Variants in KRAS observed in about 807,000 individuals in gnomAD.
KRAS encodes the protein KRas proto-oncogene, GTPase, also known as GTPase KRas.
A neutral mutation model predicts 21.0 loss-of-function variants in KRAS; 1 was observed. The observed-to-expected ratio is 0.05, with a 90% CI of 0.02 to 0.23. The LOEUF is 0.23. Ranked by LOEUF, KRAS falls within the 10% of genes least tolerant of loss-of-function variation. The pLI is 1.00. For synonymous variants in KRAS, 67 were observed against 72.5 expected (o/e 0.92, Z 0.39); for missense variants, 107 against 221.8 (o/e 0.48, Z 3.29).
intron 4 of KRAS, chr12:25,215,091 T>TAAA (rs775121370): frequency 1.6e-3 from 137 of 87,576 alleles, no homozygotes; most frequent in Non-Finnish European, 1.7e-3. Context: ...TTCTCCCTAC[T>TAAA]AAAAAAAAAA....
rs1035394258 is a variant in KRAS, at chr12:25,207,124, T to C, written c.*2671A>G. ...TCGTATACCAAAGGCCTTAGTAAGA[T>C]ATTACAGACCACACTAGCACTACCT... On this transcript the variant is annotated 3_prime_UTR_variant, in exon 5 of 5. Coordinates refer to ENST00000311936, the MANE Select transcript of KRAS (RefSeq NM_004985.5). 9.4e-6 allele frequency: 2 copies of C among 212,630 alleles called. No homozygotes were observed. Among genetic ancestry groups the C allele is most frequent in the African/African-American group, 4.5e-5 (2 of 44,220 alleles). 13.2% of individuals were successfully genotyped at this position (212,630 alleles called of 1,614,324 possible).
In KRAS at chr12:25,244,528, ATGGAAGTT is replaced by A. The variant is rs1951651640; in HGVS notation, c.111+738_111+745del. On this transcript the variant is annotated intron_variant, in intron 2 of 4. Coordinates refer to ENST00000311936, the MANE Select transcript of KRAS (RefSeq NM_004985.5). The stretch of plus-strand genomic sequence containing the variant: ...TTAAATAAATCCTCATCTGCTTGGG[ATGGAAGTT>A]CTACTCCATGACCTTCAAGGTGTCT... 2.0e-4 allele frequency among the ~76,000 whole-genome samples: 30 copies of A among 152,176 alleles called. 1 individual carries two copies.
chr12:25,227,540 C>A, intron 2 of KRAS, 128 bp from the exon 3 acceptor site: 1 of 782,284 alleles, frequency 1.3e-6, no homozygotes, highest in Non-Finnish European at 2.1e-6. Flanking sequence ...GACATTGTTC[C>A]TGCTCCAAAG....
chr12:25,232,926 C>A (rs1257332976), intron 2 of KRAS, among the ~76,000 whole-genome samples: 1 of 152,048 alleles, frequency 6.6e-6, no homozygotes, highest in African/African-American at 2.4e-5. Context: ...TAGCCTTTGA[C>A]ATAGTAATGT....
rs1951246993 is a variant in KRAS at position 25,215,624 on chromosome 12, G to A, written c.451-5713C>T. On this transcript the variant is annotated intron_variant, in intron 4 of 4. Transcript: ENST00000311936. ...TTGGTAAGAGTAATTTACTGGGAAA[G>A]CCATGTGCAAGAAGTTTGAGATTAT... The A allele has an allele frequency of 5.1e-6, 7 of 1,360,654 alleles. No individual in the cohort carries two copies. The Admixed American group carries it at 8.4e-5, about 16-fold the overall frequency. 84.3% of individuals were successfully genotyped at this position (1,360,654 alleles called of 1,614,324 possible). A position where few individuals can be genotyped will look rare whatever the true frequency, so the allele number is the denominator to read the frequency against.
intron 2 of KRAS, among the ~76,000 whole-genome samples, chr12:25,244,129 G>A (rs61761075): frequency 0.042 from 6,455 of 152,124 alleles, 217 homozygotes; most frequent in Non-Finnish European, 0.061. Flanking sequence ...TTGCCTCAGC[G>A]CAAAGTGTCT....
Position 25,205,827 on chromosome 12 carries a change from A to ATTCT in KRAS, c.*3964_*3967dup, listed in dbSNP as rs1489981589. The ATTCT allele has an allele frequency of 4.7e-6, 1 of 214,984 alleles. No homozygotes were observed. Among genetic ancestry groups the ATTCT allele is most frequent in the Non-Finnish European group, 9.4e-6 (1 of 106,632 alleles). 13.3% of individuals were successfully genotyped at this position (214,984 alleles called of 1,614,324 possible). On this transcript the variant is annotated 3_prime_UTR_variant, in exon 5 of 5. Transcript: ENST00000311936. ...CACAGATCTTAATCTAGTTATGACT[A>ATTCT]TTCTTCAAGAACTCATGTGAGTATC...
Position 25,227,314 on chromosome 12 carries a change from C to T in KRAS, c.210G>A (p.Gln70=), listed in dbSNP as rs780492744. 1.9e-6 allele frequency: 3 copies of T among 1,613,926 alleles called. No homozygotes were observed. Among genetic ancestry groups the T allele is most frequent in the South Asian group, 2.2e-5 (2 of 91,078 alleles). Residue 70 remains glutamine (Q), a synonymous_variant, in exon 3 of 5, where the codon CAG becomes CAA. Coordinates refer to ENST00000311936, the MANE Select transcript of KRAS (RefSeq NM_004985.5). ...GAAAGCCCTCCCCAGTCCTCATGTACTGGTCCCTCATTGCACTGTACTCCT... is the reference window on the plus strand; with the variant it reads ...GAAAGCCCTCCCCAGTCCTCATGTATTGGTCCCTCATTGCACTGTACTCCT... ...GQEEYSAMRD[Q]YMRTGEGFLC...
rs779071703 is a variant in KRAS at position 25,207,311 on chromosome 12, C to T, written c.*2484G>A. 6 of 191,700 alleles carry T rather than the reference C, an allele frequency of 3.1e-5. No individual in the cohort carries two copies. The highest frequency in any genetic ancestry group is 5.5e-5 in the Non-Finnish European group (5 of 91,728). 11.9% of individuals were successfully genotyped at this position (191,700 alleles called of 1,614,324 possible). A position where few individuals can be genotyped will look rare whatever the true frequency, so the allele number is the denominator to read the frequency against. On this transcript the variant is annotated 3_prime_UTR_variant, in exon 5 of 5. Transcript: ENST00000311936. ...GGTGAATCACTTGAGGTCAGGAGTT[C>T]GAGACCAGCCTGGCCAACAGGGTGA...
At chr12:25,232,787 T>C (rs1951491242) in intron 2 of KRAS, among the ~76,000 whole-genome samples, 1 of 152,184 alleles carries the variant, frequency 6.6e-6, no homozygotes, top group Non-Finnish European at 1.5e-5. Flanking sequence ...TAAAAAATTT[T>C]TCTAAATGAA....
chr12:25,225,286 TTATATATATATATATA>T (rs68164603), intron 4 of KRAS: 3 of 10,624 alleles, frequency 2.8e-4, no homozygotes, highest in African/African-American at 1.4e-3. Flanking sequence ...GCCCTGTTCT[TTATATATATATATATA>T]TATATATATA....
chr12:25,210,250 A>G (rs999845990), intron 4 of KRAS, among the ~76,000 whole-genome samples: 8 of 151,922 alleles, frequency 5.3e-5, no homozygotes, highest in Non-Finnish European at 7.4e-5. Flanking sequence ...ATCCAAATGC[A>G]TGTGTGTGTG....
At chr12:25,229,611 TCTGCCAAAA>T (rs372046434) in intron 2 of KRAS, among the ~76,000 whole-genome samples, 12,041 of 152,200 alleles carry the variant, frequency 0.079, 1,424 homozygotes, top group African/African-American at 0.26. Flanking sequence ...TTTCACACAT[TCTGCCAAAA>T]CAGTCCTCAA....
At chr12:25,243,358 C>G (rs377547346) in intron 2 of KRAS, among the ~76,000 whole-genome samples, 4 of 152,176 alleles carry the variant, frequency 2.6e-5, no homozygotes, top group Admixed American at 2.6e-4. Context: ...CCGTCAGTTT[C>G]AAAGTTCACA....
intron 4 of KRAS, among the ~76,000 whole-genome samples, chr12:25,211,741 A>G (rs1446628020): frequency 6.6e-6 from 1 of 152,238 alleles, no homozygotes; most frequent in Non-Finnish European, 1.5e-5. Flanking sequence ...CCAATATTTT[A>G]AGAGAGGTAA....
At chr12:25,234,673 T>C (rs1951521389) in intron 2 of KRAS, 2 of 188,604 alleles carry the variant, frequency 1.1e-5, no homozygotes. Flanking sequence ...GTTTATTAAA[T>C]GCCTTTATTT....
intron 4 of KRAS, among the ~76,000 whole-genome samples, chr12:25,213,284 G>C (rs550507098): frequency 6.6e-6 from 1 of 152,140 alleles, no homozygotes; most frequent in African/African-American, 2.4e-5. Context: ...ATATAAATTA[G>C]AGCATAACAC....
At chr12:25,225,550 T>C (rs2141505223) in intron 4 of KRAS, 64 bp downstream of exon 4, 1 of 1,481,188 alleles carries the variant, frequency 6.8e-7, no homozygotes, top group South Asian at 1.1e-5. Context: ...AACTGATATA[T>C]TAAATGACAT....
chr12:25,240,831 T>C (rs1951601126), intron 2 of KRAS, among the ~76,000 whole-genome samples: 1 of 152,162 alleles, frequency 6.6e-6, no homozygotes, highest in African/African-American at 2.4e-5. Flanking sequence ...TCTTAATAAA[T>C]ACTTATTCTT....
Sources: gnomAD v4.1 joint callset for allele counts (sites outside exome capture counted in the v4.1 genomes callset) on GRCh38, gnomAD v4.1.1 for gene constraint, MANE v1.5 for transcripts, NCBI Gene and HGNC (gene_info 2026-07-23, HGNC 2026-07-21) for gene names.